OPCML: variants seen among roughly 807,000 people sequenced by gnomAD.
OPCML encodes the protein opioid binding protein/cell adhesion molecule like.
Under a neutral mutation model 37.8 loss-of-function variants are expected in OPCML, and 13 were observed. The observed-to-expected ratio is 0.34, with a 90% CI of 0.22 to 0.55. The LOEUF (loss-of-function observed/expected upper bound fraction) is 0.55. Among genes scored for constraint, OPCML ranks in the 20% least tolerant of loss-of-function variants. The pLI, the probability that OPCML is intolerant of heterozygous loss-of-function variation, is 0.91. For missense variants in OPCML, 341 were observed against 435.6 expected (o/e 0.78, Z 1.93); for synonymous variants, 176 against 168.8 (o/e 1.04, Z -0.33).
At chr11:133,237,852 G>A (rs569560640) in intron 1 of OPCML, among the ~76,000 whole-genome samples, 18 of 152,268 alleles carry the variant, frequency 1.2e-4, no homozygotes, top group African/African-American at 3.8e-4. Flanking sequence ...ACTAGGATGC[G>A]CCTGGTGCCA....
intron 2 of OPCML, among the ~76,000 whole-genome samples, chr11:132,718,815 G>A (rs1187240497): frequency 1.3e-5 from 2 of 152,178 alleles, no homozygotes; most frequent in Admixed American, 1.3e-4. Context: ...AAGGAGCAGA[G>A]TCTGAAGGGA....
At chr11:133,151,431 G>A (rs571431529) in intron 1 of OPCML, among the ~76,000 whole-genome samples, 40 of 151,864 alleles carry the variant, frequency 2.6e-4, no homozygotes, top group Non-Finnish European at 4.9e-4. Context: ...GGGGGAGGAA[G>A]GAAGGAGGAA....
chr11:132,488,621 A>G (rs1355462582), intron 4 of OPCML, among the ~76,000 whole-genome samples: 2 of 152,202 alleles, frequency 1.3e-5, no homozygotes. Context: ...GGATATTACC[A>G]TACTCCACAC....
At chr11:133,283,284 G>A (rs1942209931) in intron 1 of OPCML, among the ~76,000 whole-genome samples, 1 of 152,052 alleles carries the variant, frequency 6.6e-6, no homozygotes, top group South Asian at 2.1e-4. Context: ...GAATGGTTTG[G>A]TGTCTTCCCC....
At chr11:133,457,347 C>T (rs1946693989) in intron 1 of OPCML, among the ~76,000 whole-genome samples, 1 of 152,036 alleles carries the variant, frequency 6.6e-6, no homozygotes, top group Non-Finnish European at 1.5e-5. Context: ...GCCTGGGCAG[C>T]ATAGTGAGAC....
At chr11:132,974,396 C>T (rs1285187671) in intron 1 of OPCML, among the ~76,000 whole-genome samples, 2 of 152,060 alleles carry the variant, frequency 1.3e-5, no homozygotes, top group Non-Finnish European at 2.9e-5. Flanking sequence ...CTATGGTCAC[C>T]GAAAAAGCTC....
intron 2 of OPCML, among the ~76,000 whole-genome samples, chr11:132,743,371 G>C (rs1218926788): frequency 6.6e-6 from 1 of 152,010 alleles, no homozygotes; most frequent in African/African-American, 2.4e-5. Context: ...TGATAAAGAG[G>C]CATTTCCCAT....
chr11:132,701,807 G>GGC (rs1943834012), intron 2 of OPCML, among the ~76,000 whole-genome samples: 1 of 148,728 alleles, frequency 6.7e-6, no homozygotes, highest in Non-Finnish European at 1.5e-5. Context: ...GTGGTGGTGG[G>GGC]CGTGTGCTTT....
intron 4 of OPCML, among the ~76,000 whole-genome samples, chr11:132,454,060 C>A (rs1269179351): frequency 6.6e-6 from 1 of 152,182 alleles, no homozygotes; most frequent in Non-Finnish European, 1.5e-5. Flanking sequence ...AGGGAAGATG[C>A]CTACTATGTG....
At chr11:133,438,833 T>C (rs1463177157) in intron 1 of OPCML, among the ~76,000 whole-genome samples, 1 of 152,152 alleles carries the variant, frequency 6.6e-6, no homozygotes, top group African/African-American at 2.4e-5. Context: ...ATCAGGCCTA[T>C]GTAATGAAAC....
At chr11:133,337,073 G>A (rs921035912) in intron 1 of OPCML, among the ~76,000 whole-genome samples, 5 of 152,308 alleles carry the variant, frequency 3.3e-5, no homozygotes, top group East Asian at 1.9e-4. Flanking sequence ...AAAGAGAAGC[G>A]CGCAACCCCT....
intron 4 of OPCML, among the ~76,000 whole-genome samples, chr11:132,501,085 G>A (rs1451470060): frequency 7.0e-6 from 1 of 143,050 alleles, no homozygotes; most frequent in East Asian, 2.0e-4. Flanking sequence ...TGGGATTGCT[G>A]GGCCAAATGG....
At position 132,420,090 on chromosome 11, in the gene OPCML, G is replaced by GA. The variant is rs915336484; in HGVS notation, c.*102dup. On this transcript the variant is annotated 3_prime_UTR_variant, in exon 8 of 8. Transcript: ENST00000524381. The stretch of plus-strand genomic sequence containing the variant: ...AAAAGAAAACAAATCTAGAATAACA[G>GA]AAAAAAACAAAAAGAAGCCCAAGCT... The GA allele has an allele frequency of 2.7e-5, 22 of 805,568 alleles. No homozygotes were observed. The highest frequency in any genetic ancestry group is 2.5e-4 in the Middle Eastern group (1 of 3,978). 49.9% of individuals were successfully genotyped at this position (805,568 alleles called of 1,614,324 possible). A position where few individuals can be genotyped will look rare whatever the true frequency, so the allele number is the denominator to read the frequency against.
Position 133,291,134 on chromosome 11 carries a change from T to G in OPCML, c.61+241130A>C, listed in dbSNP as rs1592172170. Among the ~76,000 whole-genome samples, 3 of 152,246 alleles carry G rather than the reference T, an allele frequency of 2.0e-5. No homozygotes were observed. The South Asian group carries it at 6.2e-4, about 32-fold the overall frequency. ...CAGCTCAATGCCCAAGGCTGTGTCA[T>G]AAGACAAAAACCTGGGTTCTAATTC... On this transcript the variant is annotated intron_variant, in intron 1 of 7. Coordinates refer to ENST00000524381, the MANE Select transcript of OPCML (RefSeq NM_001012393.5).
At chr11:132,951,352 C>G (rs1422759386) in intron 1 of OPCML, among the ~76,000 whole-genome samples, 1 of 152,208 alleles carries the variant, frequency 6.6e-6, no homozygotes, top group Non-Finnish European at 1.5e-5. Context: ...GGCTCTCTTT[C>G]TGGCTTGAGA....
At chr11:132,722,283 C>T (rs1944701935) in intron 2 of OPCML, among the ~76,000 whole-genome samples, 1 of 151,096 alleles carries the variant, frequency 6.6e-6, no homozygotes, top group East Asian at 1.9e-4. Context: ...TTCTTTCTAA[C>T]AGGTATCTAA....
chr11:132,658,631 C>T (rs1212263204), intron 2 of OPCML, among the ~76,000 whole-genome samples: 2 of 152,192 alleles, frequency 1.3e-5, no homozygotes, highest in Non-Finnish European at 2.9e-5. Context: ...GCCCATCTGC[C>T]CTTTAGCCGC....
At chr11:132,442,769 A>T (rs1413988843) in intron 4 of OPCML, among the ~76,000 whole-genome samples, 1 of 152,166 alleles carries the variant, frequency 6.6e-6, no homozygotes, top group Non-Finnish European at 1.5e-5. Context: ...CCCCTGCACA[A>T]GCTTCTTGCC....
chr11:132,760,491 G>A (rs968997481), intron 2 of OPCML, among the ~76,000 whole-genome samples: 1 of 151,582 alleles, frequency 6.6e-6, no homozygotes, highest in Non-Finnish European at 1.5e-5. Flanking sequence ...CCTGTATTGG[G>A]TGCATATATA....
Sources: gnomAD v4.1 joint callset for allele counts (sites outside exome capture counted in the v4.1 genomes callset) on GRCh38, gnomAD v4.1.1 for gene constraint, MANE v1.5 for transcripts, NCBI Gene and HGNC (gene_info 2026-07-23, HGNC 2026-07-21) for gene names.